The following HMCN1 variants were observed in gnomAD, a reference collection of about 807,000 sequenced individuals.
HMCN1 encodes the protein hemicentin 1, also known as hemicentin-1.
Under a neutral mutation model 625.9 loss-of-function variants are expected in HMCN1, and 321 were observed. The ratio of observed to expected loss-of-function variants is 0.51; its 90% CI spans 0.47 to 0.56. HMCN1 has a LOEUF of 0.56. HMCN1 is among the 20% of genes least tolerant of loss of function. The pLI is 0.00. For missense variants in HMCN1, 6,588 were observed against 6,887.3 expected (o/e 0.96, Z 1.54); for synonymous variants, 2,425 against 2,417.6 (o/e 1.00, Z -0.09).
chr1:185,865,719 C>G (rs765006348), intron 3 of HMCN1, 22 bp from the exon 4 acceptor site: 1 of 780,150 alleles, frequency 1.3e-6, no homozygotes, highest in African/African-American at 2.1e-5. Flanking sequence ...TACACTGTTT[C>G]TTTTTTTTTT....
chr1:186,137,484 T>C lies in HMCN1; in HGVS notation c.13583-14T>C, dbSNP rs940686681. Reference sequence around the variant, plus strand: ...TTGCAAAAGCTTAGACAAAGTACAATGTTTTATTTGCAGTTCATGGTGGAT... The same window carrying C: ...TTGCAAAAGCTTAGACAAAGTACAACGTTTTATTTGCAGTTCATGGTGGAT... On this transcript the variant is annotated splice_polypyrimidine_tract_variant and intron_variant, in intron 87 of 106. Transcript: ENST00000271588. 6.2e-7 allele frequency: 1 copy of C among 1,612,170 alleles called. No individual in the cohort carries two copies. Among genetic ancestry groups the C allele is most frequent in the Non-Finnish European group, 8.5e-7 (1 of 1,179,230 alleles).
chr1:185,887,872 C>G (rs113720014), intron 4 of HMCN1, among the ~76,000 whole-genome samples: 4,625 of 116,892 alleles, frequency 0.04, 127 homozygotes, highest in Middle Eastern at 0.068. Context: ...AGATCCCTGA[C>G]GAATCGCCAC....
At chr1:186,141,414 T>C (rs1649953098) in intron 89 of HMCN1, among the ~76,000 whole-genome samples, 1 of 152,188 alleles carries the variant, frequency 6.6e-6, no homozygotes, top group Non-Finnish European at 1.5e-5. Flanking sequence ...TTTGAGTACT[T>C]CCTTACTTTC....
chr1:186,088,401 C>CA (rs1659652015), intron 62 of HMCN1, 125 bp downstream of exon 62: 1 of 1,460,730 alleles, frequency 6.8e-7, no homozygotes, highest in Non-Finnish European at 9.4e-7. Flanking sequence ...AGAAGGCTAA[C>CA]GCACTGAAAT....
At chr1:185,958,763 T>C (rs1649801301) in intron 11 of HMCN1, among the ~76,000 whole-genome samples, 2 of 152,184 alleles carry the variant, frequency 1.3e-5, no homozygotes, top group African/African-American at 4.8e-5. Context: ...GCTCCACCTT[T>C]GAGTGACTAG....
At position 186,018,116 on chromosome 1, in the gene HMCN1, T is replaced by C. The variant is rs1488850416; in HGVS notation, c.5301-67T>C. ...TTGGACAAATATACAATAGAAACTT[T>C]ATATATCTTCTAGGATATGATTTAC... is the stretch of plus-strand genomic sequence containing the variant. On this transcript the variant is annotated intron_variant, in intron 33 of 106. Transcript: ENST00000271588. The C allele has an allele frequency of 2.7e-5, 36 of 1,317,640 alleles. 1 individual carries two copies. The highest frequency in any genetic ancestry group is 2.3e-4 in the African/African-American group (16 of 68,934). 81.6% of individuals were successfully genotyped at this position (1,317,640 alleles called of 1,614,324 possible). A position where few individuals can be genotyped will look rare whatever the true frequency, so the allele number is the denominator to read the frequency against.
At chr1:185,904,753 G>A (rs1666002803) in intron 4 of HMCN1, among the ~76,000 whole-genome samples, 1 of 151,780 alleles carries the variant, frequency 6.6e-6, no homozygotes, top group Admixed American at 6.6e-5. Flanking sequence ...GCAAATGGCA[G>A]TTGTGAAGAT....
chr1:185,791,912 A>T (rs751276386), intron 1 of HMCN1, among the ~76,000 whole-genome samples: 2 of 152,182 alleles, frequency 1.3e-5, no homozygotes, highest in Non-Finnish European at 2.9e-5. Flanking sequence ...TTGCTCCAGG[A>T]TATGCTTCAC....
chr1:185,826,299 C>G (rs904185216), intron 1 of HMCN1, among the ~76,000 whole-genome samples: 12 of 152,118 alleles, frequency 7.9e-5, no homozygotes, highest in African/African-American at 2.9e-4. Context: ...ACCTCATCTT[C>G]GCAGAAATTA....
At chr1:185,856,215 G>A (rs534247524) in intron 2 of HMCN1, among the ~76,000 whole-genome samples, 23 of 152,252 alleles carry the variant, frequency 1.5e-4, no homozygotes, top group African/African-American at 5.1e-4. Context: ...TAGACTAGGC[G>A]TGGTGGCTCA....
At chr1:186,171,204 A>T (rs1422584601) in intron 100 of HMCN1, 133 bp from the exon 101 acceptor site, 1 of 682,426 alleles carries the variant, frequency 1.5e-6, no homozygotes, top group African/African-American at 1.8e-5. Flanking sequence ...AGATCACATG[A>T]GTGCAATATA....
Position 186,152,019 on chromosome 1 carries a change from G to A in HMCN1, c.14896+276G>A, listed in dbSNP as rs2102576199. 1.3e-5 allele frequency among the ~76,000 whole-genome samples: 2 copies of A among 152,024 alleles called. 1 individual carries two copies. Among genetic ancestry groups the A allele is most frequent in the South Asian group, 4.2e-4 (2 of 4,806 alleles). Reference sequence around the variant, plus strand: ...TATTTTCTCTTTAAATCCATAGAGAGGATATTAAAGACCAAACAAAGAAGG... The same window carrying A: ...TATTTTCTCTTTAAATCCATAGAGAAGATATTAAAGACCAAACAAAGAAGG... On this transcript the variant is annotated intron_variant, in intron 95 of 106. Transcript: ENST00000271588.
In HMCN1 at chr1:186,189,649, A is replaced by T; in HGVS notation, c.16679A>T (p.Asp5560Val). 1 of 1,612,334 alleles carries T rather than the reference A, an allele frequency of 6.2e-7. No individual in the cohort carries two copies. Among genetic ancestry groups the T allele is most frequent in the South Asian group, 1.1e-5 (1 of 90,856 alleles). ...DLIRLVAYTQ[D>V]GVMHPRTTFL... ...ATCCGGCTGGTTGCATACACACAGG[A>T]TGGAGTGATGCATCCCAGGACAACT... is the stretch of plus-strand genomic sequence containing the variant. The change falls in exon 107 of 107, where the codon GAT (aspartate) becomes GTT (valine). Residue 5560 changes from aspartate to valine, a missense_variant. Asp to Val is a radical substitution (Grantham distance 152). Transcript: ENST00000271588.
chr1:186,136,136 A>C (rs1649589581), intron 86 of HMCN1, among the ~76,000 whole-genome samples: 1 of 151,876 alleles, frequency 6.6e-6, no homozygotes, highest in Non-Finnish European at 1.5e-5. Context: ...AGATTGTGCC[A>C]TTGCACTCCA....
chr1:186,108,549 A>G lies in HMCN1; in HGVS notation c.10941A>G (p.Ala3647=), dbSNP rs754756539. Residue 3647 remains alanine (A), a synonymous_variant, in exon 71 of 107, where the codon GCA becomes GCG. Transcript: ENST00000271588. ...TGACATTGGAATGCAAGTCAGATGC[A>G]GTGCCCCCACCTGTAATTACTTGGC... ...RQVTLECKSD[A]VPPPVITWLR... 54 of 1,614,044 alleles carry G rather than the reference A, an allele frequency of 3.3e-5. No individual in the cohort carries two copies. The highest frequency in any genetic ancestry group is 4.2e-5 in the Non-Finnish European group (50 of 1,180,026).
At chr1:185,737,358 C>T (rs563595718) in intron 1 of HMCN1, among the ~76,000 whole-genome samples, 25 of 152,092 alleles carry the variant, frequency 1.6e-4, no homozygotes, top group South Asian at 8.3e-4. Context: ...CTATGTTGCC[C>T]GGGCTAGTCT....
chr1:185,906,728 A>G (rs1666114412), intron 4 of HMCN1, among the ~76,000 whole-genome samples: 2 of 151,532 alleles, frequency 1.3e-5, no homozygotes, highest in Non-Finnish European at 3.0e-5. Context: ...ACATCTCACA[A>G]TTCTTGCTGG....
intron 47 of HMCN1, 96 bp from the exon 48 acceptor site, chr1:186,062,418 T>G: frequency 1.3e-6 from 1 of 755,850 alleles, no homozygotes; most frequent in Non-Finnish European, 2.3e-6. Flanking sequence ...GGATTTGTTT[T>G]GAAGGTTATA....
intron 30 of HMCN1, among the ~76,000 whole-genome samples, chr1:186,014,458 T>A (rs1654221976): frequency 6.6e-6 from 1 of 152,080 alleles, no homozygotes; most frequent in Admixed American, 6.6e-5. Context: ...CCATTTGATT[T>A]TTTTAAAATT....
Sources: gnomAD v4.1 joint callset for allele counts (sites outside exome capture counted in the v4.1 genomes callset) on GRCh38, gnomAD v4.1.1 for gene constraint, MANE v1.5 for transcripts, NCBI Gene and HGNC (gene_info 2026-07-23, HGNC 2026-07-21) for gene names.